The following TTC24 variants were observed in gnomAD, a reference collection of about 807,000 sequenced individuals.
The protein encoded by TTC24 is tetratricopeptide repeat domain 24.
TTC24 carries 54 observed loss-of-function variants against 63.3 expected under a neutral mutation model. That is an observed-to-expected ratio of 0.85 (90% CI 0.69 to 1.07). The LOEUF (loss-of-function observed/expected upper bound fraction) is 1.07, where lower values mean the gene tolerates loss of function less well. Among genes scored for constraint, TTC24 ranks in the 50% least tolerant of loss-of-function variants. The pLI is 0.00. For missense variants in TTC24, 680 were observed against 730.5 expected, an observed-to-expected ratio of 0.93 and a Z score of 0.80; for synonymous variants, 276 against 304.3, an observed-to-expected ratio of 0.91 and a Z score of 0.97.
At chr1:156,579,922 G>C (rs1013483468) in intron 1 of TTC24, among the ~76,000 whole-genome samples, 164 bp downstream of exon 1, 2 of 152,084 alleles carry the variant, frequency 1.3e-5, no homozygotes, top group African/African-American at 4.8e-5. Context: ...CTAAAAAAGG[G>C]GAAAAAAAGG....
rs989861920 is a variant in TTC24, at chr1:156,586,100, T to C, written c.1667+55T>C. ...GGAGAATAGCAAAAAAAGTAGAATGTGTGGCTTGGGATGATTTTAATGAAA... is the reference window on the plus strand; with the variant it reads ...GGAGAATAGCAAAAAAAGTAGAATGCGTGGCTTGGGATGATTTTAATGAAA... On this transcript the variant is annotated intron_variant, in intron 10 of 10. Transcript: ENST00000368236. The C allele has an allele frequency of 1.3e-5, 16 of 1,245,334 alleles. No homozygotes were observed. In the Admixed American group the frequency reaches 2.4e-4, roughly 19 times the overall value. The allele number at this position is 1,245,334 out of a possible 1,614,324, so 77.1% of individuals were successfully genotyped here. A position where few individuals can be genotyped will look rare whatever the true frequency, so the allele number is the denominator to read the frequency against.
At position 156,581,641 on chromosome 1, in the gene TTC24, G is replaced by A; in HGVS notation, c.277G>A (p.Gly93Arg). 1.3e-6 allele frequency: 2 copies of A among 1,551,728 alleles called. No homozygotes were observed. The highest frequency in any genetic ancestry group is 1.7e-6 in the Non-Finnish European group (2 of 1,146,996). Residue 93 changes from glycine to arginine, a missense_variant, in exon 2 of 11, where the codon GGG becomes AGG. Transcript: ENST00000368236. Reference sequence around the variant, plus strand: ...CCTGGGGGCTGCCTATGTGGAGACTGGGGACCCAGCCAGAGGCCTTGAGCT... The same window carrying A: ...CCTGGGGGCTGCCTATGTGGAGACTAGGGACCCAGCCAGAGGCCTTGAGCT... The part of the protein sequence containing the change: ...FNLGAAYVET[G>R]DPARGLELLL...
chr1:156,582,926 G>A (rs1677042423), intron 3 of TTC24, 116 bp from the exon 4 acceptor site: 1 of 1,330,576 alleles, frequency 7.5e-7, no homozygotes, highest in Non-Finnish European at 1.0e-6. Context: ...CATCTGGAGT[G>A]TTCTGGGGCT....
intron 1 of TTC24, 58 bp from the exon 2 acceptor site, chr1:156,581,303 C>T (rs1003435601): frequency 1.2e-5 from 16 of 1,315,030 alleles, no homozygotes; most frequent in Non-Finnish European, 1.6e-5. Context: ...CTAAGGGGGT[C>T]CTGCTATCTA....
chr1:156,586,966 A>T lies in TTC24; in HGVS notation c.*416A>T, dbSNP rs1677191740. On this transcript the variant is annotated 3_prime_UTR_variant, in exon 11 of 11. Coordinates refer to ENST00000368236, the MANE Select transcript of TTC24 (RefSeq NM_001105669.4). ...ACAGAAGAGGCATCTTACCCAACCA[A>T]TGCACCTTACTTCTCTGTGAAACAC... Among the ~76,000 whole-genome samples, 1 of 152,132 alleles carries T rather than the reference A, an allele frequency of 6.6e-6. No homozygotes were observed. Among genetic ancestry groups the T allele is most frequent in the African/African-American group, 2.4e-5 (1 of 41,418 alleles).
chr1:156,584,947 G>C lies in TTC24; in HGVS notation c.1322G>C (p.Gly441Ala), dbSNP rs1677109728. 6.2e-7 allele frequency: 1 copy of C among 1,603,800 alleles called. No individual in the cohort carries two copies. Among genetic ancestry groups the C allele is most frequent in the Middle Eastern group, 1.7e-4 (1 of 6,020 alleles). ...SQAEGTPAKA[G>A]SSTAGVQHRS... ...GCGGAGGGGACCCCAGCAAAGGCAG[G>C]AAGCAGCACAGCAGGTGTCCAGCAC... is the stretch of plus-strand genomic sequence containing the variant. Residue 441 changes from glycine (G) to alanine (A), a missense_variant, in exon 7 of 11, where the codon GGA becomes GCA. Gly to Ala is a moderately conservative substitution (Grantham distance 60). Coordinates refer to ENST00000368236, the MANE Select transcript of TTC24 (RefSeq NM_001105669.4).
Position 156,585,108 on chromosome 1 carries a change from G to A in TTC24, c.1350-17G>A. The A allele has an allele frequency of 6.2e-7, 1 of 1,601,988 alleles. No individual in the cohort carries two copies. The highest frequency in any genetic ancestry group is 8.5e-7 in the Non-Finnish European group (1 of 1,173,006). ...TGTCGCTCTGCCAAGCTGTGCCCTG[G>A]TTCCTTGCCCCTACAGATCTTCCAG... On this transcript the variant is annotated splice_polypyrimidine_tract_variant and intron_variant, in intron 7 of 10. Transcript: ENST00000368236.
chr1:156,585,995 C>T lies in TTC24; in HGVS notation c.1617C>T (p.Pro539=), dbSNP rs573000717. 6 of 1,591,120 alleles carry T rather than the reference C, an allele frequency of 3.8e-6. No homozygotes were observed. The African/African-American group carries it at 5.4e-5, about 14-fold the overall frequency. Residue 539 remains proline, a synonymous_variant, in exon 10 of 11, where the codon CCC becomes CCT. Transcript: ENST00000368236. ...TTCCATTTGTAGGTCCAGGCCCTCCCAGAGCGGAGTACCCTAGCATCTTGG... is the reference window on the plus strand; with the variant it reads ...TTCCATTTGTAGGTCCAGGCCCTCCTAGAGCGGAGTACCCTAGCATCTTGG... ...AHLPFVGPGP[P]RAEYPSILVP... is the part of the protein sequence containing the mutation.
In TTC24 at chr1:156,586,522, T is replaced by C. The variant is rs1468012025; in HGVS notation, c.1721T>C (p.Met574Thr). 2 of 1,613,500 alleles carry C rather than the reference T, an allele frequency of 1.2e-6. No homozygotes were observed. Among genetic ancestry groups the C allele is most frequent in the African/African-American group, 1.3e-5 (1 of 74,802 alleles). ...AGCAGGAGCCGCCAGAGGAGACCCA[T>C]GGAGTCGGGCATCTGCACTATTGTG... ...SLSRSRQRRP[M>T]ESGICTIV Residue 574 changes from methionine (M) to threonine (T), a missense_variant, in exon 11 of 11, where the codon ATG becomes ACG. Coordinates refer to ENST00000368236, the MANE Select transcript of TTC24 (RefSeq NM_001105669.4).
chr1:156,581,964 G>C lies in TTC24; in HGVS notation c.600G>C (p.Ala200=), dbSNP rs1013072911. 1 of 1,535,736 alleles carries C rather than the reference G, an allele frequency of 6.5e-7. No individual in the cohort carries two copies. Among genetic ancestry groups the C allele is most frequent in the Non-Finnish European group, 8.8e-7 (1 of 1,141,684 alleles). ...CCGCAGCCCTGGCACTGGGGGCTGC[G>C]GCAGGATGTATGCTGAAGAGTGGGC... ...LRAAALALGA[A]AGCMLKSGRH... The change falls in exon 2 of 11, where the codon GCG becomes GCC. Residue 200 remains alanine, a synonymous_variant. Coordinates refer to ENST00000368236, the MANE Select transcript of TTC24 (RefSeq NM_001105669.4).
At chr1:156,581,337 G>A (rs924379730) in intron 1 of TTC24, 24 bp from the exon 2 acceptor site, 34 of 1,453,548 alleles carry the variant, frequency 2.3e-5, no homozygotes, top group African/African-American at 8.6e-5. Flanking sequence ...CTGACATACT[G>A]AGCCCTCTGT....
Position 156,583,673 on chromosome 1 carries a change from G to T in TTC24, c.1153-124G>T. The T allele has an allele frequency of 1.0e-6, 1 of 999,662 alleles. No homozygotes were observed. The highest frequency in any genetic ancestry group is 1.5e-6 in the Non-Finnish European group (1 of 658,614). The allele number at this position is 999,662 out of a possible 1,614,324, so 61.9% of individuals were successfully genotyped here. On this transcript the variant is annotated intron_variant, in intron 5 of 10. Transcript: ENST00000368236. This position sits in a 1 kb window ranked among gnomAD's most constrained non-coding sequence, Gnocchi z 4.0. ...GACCCTGGGAAAGGCATGGGGATGG[G>T]GTAGAAGAGAGGGGAAACAAAGCCC...
At chr1:156,580,290 G>A (rs1227308034) in intron 1 of TTC24, among the ~76,000 whole-genome samples, 1 of 152,080 alleles carries the variant, frequency 6.6e-6, no homozygotes, top group Non-Finnish European at 1.5e-5. Flanking sequence ...TCACCCTAGG[G>A]TCCCCAGTGC....
chr1:156,585,419 A>G (rs982133779), intron 8 of TTC24, 188 bp downstream of exon 8: 4 of 599,160 alleles, frequency 6.7e-6, no homozygotes, highest in South Asian at 2.1e-5. Flanking sequence ...CAAGTCCCCA[A>G]CAGCCCTCCC....
intron 8 of TTC24, 103 bp from the exon 9 acceptor site, chr1:156,585,610 G>A: frequency 1.2e-6 from 1 of 838,586 alleles, no homozygotes; most frequent in Non-Finnish European, 2.0e-6. Flanking sequence ...GTAAACCCCA[G>A]CTCACTACTC....
rs1291774470 is a variant in TTC24, at chr1:156,586,056, G to C, written c.1667+11G>C. The C allele has an allele frequency of 1.4e-5, 22 of 1,552,860 alleles. No individual in the cohort carries two copies. Among genetic ancestry groups the C allele is most frequent in the Non-Finnish European group, 1.8e-5 (21 of 1,143,950 alleles). ...CCCTCAAGCCAATAGGTGGGTCCTT[G>C]GGGGAAAGAAGGAGGCCTGGAGAAT... On this transcript the variant is annotated intron_variant, in intron 10 of 10. Coordinates refer to ENST00000368236, the MANE Select transcript of TTC24 (RefSeq NM_001105669.4).
rs1397213124 is a variant in TTC24 at position 156,584,827 on chromosome 1, G to A, written c.1252-50G>A. ...TCTGGAGGGAGCACACACGTAGCTG[G>A]GATGGCCGTTTTTCTCAGACCTATT... On this transcript the variant is annotated intron_variant, in intron 6 of 10. Coordinates refer to ENST00000368236, the MANE Select transcript of TTC24 (RefSeq NM_001105669.4). The A allele has an allele frequency of 3.0e-6, 4 of 1,330,594 alleles. No individual in the cohort carries two copies. The African/African-American group carries it at 5.9e-5, about 20-fold the overall frequency. The allele number at this position is 1,330,594 out of a possible 1,614,324, so 82.4% of individuals were successfully genotyped here.
chr1:156,579,914 A>G, intron 1 of TTC24, among the ~76,000 whole-genome samples, 156 bp downstream of exon 1: 1 of 152,128 alleles, frequency 6.6e-6, no homozygotes, highest in East Asian at 1.9e-4. Flanking sequence ...TGCCCCTCCT[A>G]AAAAAGGGGA....
At chr1:156,586,168 T>C in intron 10 of TTC24, 123 bp downstream of exon 10, 1 of 794,602 alleles carries the variant, frequency 1.3e-6, no homozygotes, top group South Asian at 1.6e-5. Flanking sequence ...ATCTCATGCT[T>C]GGGATATAGG....
Sources: allele counts gnomAD v4.1 joint callset (sites outside exome capture counted in the v4.1 genomes callset), GRCh38; gene constraint gnomAD v4.1.1; non-coding constraint Gnocchi (gnomAD v3.1); transcripts MANE v1.5; gene names NCBI Gene and HGNC (gene_info 2026-07-23, HGNC 2026-07-21).